IPO11: variants seen among roughly 807,000 people sequenced by gnomAD.
IPO11 encodes importin-11.
A neutral mutation model predicts 143.2 loss-of-function variants in IPO11; 66 were observed. That is an observed-to-expected ratio of 0.46 (90% confidence interval 0.38 to 0.57). The LOEUF is 0.57. IPO11 is among the 20% of genes least tolerant of loss of function. The pLI is 0.00. For missense variants in IPO11, 1,026 were observed against 1,141.0 expected, an observed-to-expected ratio of 0.90 and a Z score of 1.45; for synonymous variants, 385 against 377.8, an observed-to-expected ratio of 1.02 and a Z score of -0.22.
At chr5:62,515,357 T>G in intron 19 of IPO11, 31 bp from the exon 20 acceptor site, 1 of 1,485,200 alleles carries the variant, frequency 6.7e-7, no homozygotes, top group South Asian at 1.2e-5. Context: ...CCAATAAAAT[T>G]TTGTTGTTTC....
intron 1 of IPO11, among the ~76,000 whole-genome samples, chr5:62,428,290 A>G (rs1029257822): frequency 1.3e-5 from 2 of 152,112 alleles, no homozygotes; most frequent in East Asian, 3.9e-4. Flanking sequence ...TTGGCCTCCT[A>G]AAGTGCTGAG....
At position 62,484,076 on chromosome 5, in the gene IPO11, C is replaced by T. The variant is rs745361088; in HGVS notation, c.1088C>T (p.Thr363Ile). 7.0e-5 allele frequency: 112 copies of T among 1,608,222 alleles called. No homozygotes were observed. Among genetic ancestry groups the T allele is most frequent in the Non-Finnish European group, 9.3e-5 (110 of 1,176,734 alleles). Residue 363 changes from threonine (T) to isoleucine (I), a missense_variant, in exon 11 of 30, where the codon ACA (threonine) becomes ATA (isoleucine). Around this residue, in one of 5 missense-constraint regions of IPO11, gnomAD observed 429 missense variants for 456.3 expected, o/e 0.94. Coordinates refer to ENST00000325324, the MANE Select transcript of IPO11 (RefSeq NM_016338.5). ...GCATTCTTCACATATCCTACTTTGA[C>T]AGAGATATGTAGAAGATTAGTCTCT... ...KMAFFTYPTL[T>I]EICRRLVSHY...
intron 2 of IPO11, among the ~76,000 whole-genome samples, chr5:62,441,662 G>A (rs1273268270): frequency 6.6e-6 from 1 of 150,548 alleles, no homozygotes; most frequent in Non-Finnish European, 1.5e-5. Flanking sequence ...TTATAGATGT[G>A]CACCACCACA....
intron 29 of IPO11, among the ~76,000 whole-genome samples, chr5:62,615,720 A>G (rs1301916240): frequency 6.6e-6 from 1 of 152,226 alleles, no homozygotes; most frequent in Non-Finnish European, 1.5e-5. Flanking sequence ...TTTATAAGGT[A>G]ACTTGAACAG....
At chr5:62,504,266 C>T (rs115233730) in intron 16 of IPO11, among the ~76,000 whole-genome samples, 5 of 151,934 alleles carry the variant, frequency 3.3e-5, no homozygotes, top group Non-Finnish European at 7.4e-5. Flanking sequence ...TTCTCCTCCC[C>T]ACCTCCTTCC....
intron 28 of IPO11, among the ~76,000 whole-genome samples, chr5:62,596,417 G>T (rs947095273): frequency 5.9e-5 from 9 of 152,126 alleles, no homozygotes; most frequent in Admixed American, 5.9e-4. Flanking sequence ...AAACTATTCT[G>T]TAGTCAGTGG....
chr5:62,435,188 A>ATGTATATATATATATATG (rs1561309141), intron 1 of IPO11, among the ~76,000 whole-genome samples: 2 of 116,254 alleles, frequency 1.7e-5, no homozygotes, highest in East Asian at 5.1e-4. Context: ...ATGTATATAT[A>ATGTATATATATATATATG]TGTATATATA....
At chr5:62,599,203 C>T (rs1042036024) in intron 28 of IPO11, among the ~76,000 whole-genome samples, 38 of 152,222 alleles carry the variant, frequency 2.5e-4, no homozygotes, top group Admixed American at 6.5e-5. Context: ...GTTTGAGAAT[C>T]GCTGATATTG....
chr5:62,579,687 T>G, intron 27 of IPO11: 1 of 1,548,126 alleles, frequency 6.5e-7, no homozygotes, highest in Non-Finnish European at 8.7e-7. Context: ...TAACAGGACT[T>G]CATTCTCTTG....
At chr5:62,534,491 A>C (rs541745337) in intron 22 of IPO11, among the ~76,000 whole-genome samples, 2 of 152,340 alleles carry the variant, frequency 1.3e-5, no homozygotes, top group East Asian at 3.9e-4. Flanking sequence ...TTATAAATAA[A>C]AGCAAATAGT....
intron 6 of IPO11, among the ~76,000 whole-genome samples, chr5:62,468,316 A>G (rs987123470): frequency 3.9e-5 from 6 of 152,158 alleles, no homozygotes; most frequent in African/African-American, 1.4e-4. Flanking sequence ...TATCGTACTC[A>G]TTCTGGTACC....
chr5:62,616,753 G>T (rs1464280995), intron 29 of IPO11, among the ~76,000 whole-genome samples: 2 of 147,410 alleles, frequency 1.4e-5, no homozygotes, highest in Non-Finnish European at 3.0e-5. Context: ...AAATCAGTGA[G>T]AGAACAGGAT....
intron 27 of IPO11, among the ~76,000 whole-genome samples, chr5:62,588,613 C>T (rs561337979): frequency 6.6e-6 from 1 of 152,314 alleles, no homozygotes; most frequent in African/African-American, 2.4e-5. Flanking sequence ...CTCTACCTGA[C>T]CCAACAGATG....
At chr5:62,471,314 A>T (rs769233513) in intron 7 of IPO11, among the ~76,000 whole-genome samples, 10 of 150,676 alleles carry the variant, frequency 6.6e-5, no homozygotes, top group Non-Finnish European at 1.2e-4. Flanking sequence ...ACTAGATTTG[A>T]CCAGAGCCAT....
intron 1 of IPO11, among the ~76,000 whole-genome samples, chr5:62,420,796 G>T (rs1175238358): frequency 6.6e-6 from 1 of 152,002 alleles, no homozygotes; most frequent in Non-Finnish European, 1.5e-5. Flanking sequence ...GCCCAGGCTG[G>T]TCTTGAACTC....
chr5:62,556,931 T>C (rs1445852932), intron 26 of IPO11, among the ~76,000 whole-genome samples: 1 of 152,210 alleles, frequency 6.6e-6, no homozygotes, highest in Non-Finnish European at 1.5e-5. Flanking sequence ...GGCTTTTTTG[T>C]AGCTTGTGAT....
intron 27 of IPO11, chr5:62,580,927 G>T: frequency 6.4e-7 from 1 of 1,550,588 alleles, no homozygotes; most frequent in Non-Finnish European, 8.7e-7. Flanking sequence ...CTTGAACTTG[G>T]AAAAAAACAG....
At chr5:62,566,086 CA>C (rs770913756) in intron 27 of IPO11, among the ~76,000 whole-genome samples, 237 of 152,262 alleles carry the variant, frequency 1.6e-3, no homozygotes, top group Non-Finnish European at 3.0e-3. Context: ...CTGCAAGAAA[CA>C]AATGTGTGCA....
intron 27 of IPO11, chr5:62,580,731 G>T: frequency 6.4e-7 from 1 of 1,551,416 alleles, no homozygotes; most frequent in South Asian, 1.2e-5. Flanking sequence ...CTGCGCTAAT[G>T]ATGGCCTGGC....
Sources: allele counts gnomAD v4.1 joint callset (sites outside exome capture counted in the v4.1 genomes callset), GRCh38; gene constraint gnomAD v4.1.1; regional missense constraint gnomAD v4.1.1; transcripts MANE v1.5; gene names NCBI Gene and HGNC (gene_info 2026-07-23, HGNC 2026-07-21).